Variants in ADAMTS13 observed in about 807,000 individuals in gnomAD.
ADAMTS13 encodes A disintegrin and metalloproteinase with thrombospondin motifs 13.
Under a neutral mutation model 155.1 loss-of-function variants are expected in ADAMTS13, and 110 were observed. The ratio of observed to expected loss-of-function variants is 0.71; its 90% confidence interval spans 0.61 to 0.83. The LOEUF is 0.83. ADAMTS13 is among the 40% of genes least tolerant of loss of function. ADAMTS13 has a pLI of 0.00. For missense variants in ADAMTS13, 1,707 were observed against 1,891.7 expected, an observed-to-expected ratio of 0.90 and a Z score of 1.81; for synonymous variants, 758 against 756.4, an observed-to-expected ratio of 1.00 and a Z score of -0.03.
chr9:133,435,977 CTTTT>C (rs781795173), intron 11 of ADAMTS13, among the ~76,000 whole-genome samples: 5 of 128,370 alleles, frequency 3.9e-5, no homozygotes, highest in Admixed American at 1.6e-4. Flanking sequence ...CTTTTCTCTT[CTTTT>C]TTTTTTTTTT....
chr9:133,415,111 C>T, intron 1 of ADAMTS13: 1 of 889,058 alleles, frequency 1.1e-6, no homozygotes, highest in East Asian at 2.4e-5. Context: ...ACATATACAC[C>T]AAACACATCT....
At chr9:133,420,540 T>C (rs770351966), upstream of ADAMTS13, among the ~76,000 whole-genome samples, 12 of 152,196 alleles carry the variant, frequency 7.9e-5, no homozygotes, top group Non-Finnish European at 1.6e-4. Flanking sequence ...GAAGGCACAC[T>C]TGCTTAGTTC....
At chr9:133,434,269 C>T (rs1056702942) in intron 11 of ADAMTS13, among the ~76,000 whole-genome samples, 5 of 152,132 alleles carry the variant, frequency 3.3e-5, no homozygotes, top group Non-Finnish European at 7.3e-5. Flanking sequence ...ACTAGGAATA[C>T]AGTGCGCTGC....
intron 28 of ADAMTS13, 144 bp from the exon 29 acceptor site, chr9:133,458,830 T>A (rs190229918): frequency 1.3e-5 from 10 of 790,198 alleles, no homozygotes; most frequent in Non-Finnish European, 1.9e-5. Context: ...CTCGGTTTTC[T>A]GGGTAGAGTA....
In ADAMTS13 at chr9:133,442,720, C is replaced by T. The variant is rs587731476; in HGVS notation, c.2211C>T (p.Cys737=). 19 of 1,612,900 alleles carry T rather than the reference C, an allele frequency of 1.2e-5. No individual in the cohort carries two copies. Among genetic ancestry groups the T allele is most frequent in the Admixed American group, 1.7e-5 (1 of 60,038 alleles). ...SQQPPAWPEA[C]VLEPCPPYWA... ...AGCCACCAGCGTGGCCAGAGGCCTG[C>T]GTGCTCGAACCCTGCCCTCCCTAGT... Residue 737 remains cysteine (C), a synonymous_variant, in exon 18 of 29, where the codon TGC becomes TGT. Transcript: ENST00000355699.
intron 21 of ADAMTS13, among the ~76,000 whole-genome samples, chr9:133,446,950 G>A (rs28602660): frequency 0.069 from 10,528 of 152,056 alleles, 540 homozygotes; most frequent in Middle Eastern, 0.11. Flanking sequence ...CTTCGCCTCC[G>A]GGGCTCAAGT....
At chr9:133,436,776 A>AGGGGGGGGGGGGGGGGGGG in intron 11 of ADAMTS13, 53 bp from the exon 12 acceptor site, 2 of 715,604 alleles carry the variant, frequency 2.8e-6, no homozygotes, top group East Asian at 5.3e-5. Context: ...CCCAGTGACA[A>AGGGGGGGGGGGGGGGGGGG]CACCCGCCCC....
upstream of ADAMTS13, among the ~76,000 whole-genome samples, chr9:133,420,412 C>A (rs1214613398): frequency 6.6e-6 from 1 of 152,194 alleles, no homozygotes; most frequent in Non-Finnish European, 1.5e-5. Flanking sequence ...TAAACCAGGG[C>A]AATGCAGCCT....
chr9:133,437,585 A>G (rs959867418), intron 12 of ADAMTS13, among the ~76,000 whole-genome samples, 164 bp from the exon 13 acceptor site: 5 of 152,158 alleles, frequency 3.3e-5, no homozygotes, highest in African/African-American at 9.7e-5. Flanking sequence ...ACCATTAATT[A>G]TTAGATTAGA....
At chr9:133,432,814 G>A (rs1284621184) in intron 9 of ADAMTS13, 122 bp downstream of exon 9, 6 of 996,250 alleles carry the variant, frequency 6.0e-6, no homozygotes, top group Non-Finnish European at 9.1e-6. Context: ...TCTTGGAGTT[G>A]GCCTTGGGGA....
intron 23 of ADAMTS13, among the ~76,000 whole-genome samples, chr9:133,451,945 A>C (rs912930115): frequency 3.3e-5 from 5 of 151,056 alleles, no homozygotes; most frequent in Non-Finnish European, 1.5e-5. Flanking sequence ...ACCCTGTACT[A>C]ATCTGTGATT....
At position 133,448,595 on chromosome 9, in the gene ADAMTS13, G is replaced by A. The variant is rs1457409058; in HGVS notation, c.2732-4G>A. ...GGCTCTGGGTCTCTGCTTTGTCCAC[G>A]CAGGTCTGATGGAGCTGCGTTTCCT... On this transcript the variant is annotated splice_region_variant and splice_polypyrimidine_tract_variant and intron_variant, in intron 21 of 28. Transcript: ENST00000355699. 6.2e-6 allele frequency: 10 copies of A among 1,609,348 alleles called. No individual in the cohort carries two copies. The highest frequency in any genetic ancestry group is 5.0e-5 in the Admixed American group (3 of 59,990).
In ADAMTS13 at chr9:133,442,475, C is replaced by G. The variant is rs1554791091; in HGVS notation, c.2045C>G (p.Pro682Arg). The G allele has an allele frequency of 1.2e-6, 2 of 1,613,826 alleles. No homozygotes were observed. The part of the protein sequence containing the change: ...DITFTYFQPK[P>R]RQAWVWAAVR... ...ACCTTCACCTACTTCCAGCCTAAGC[C>G]ACGGCAGGCCTGGGTGTGGGCCGCT... Residue 682 changes from proline (P) to arginine (R), a missense_variant, in exon 17 of 29, where the codon CCA (proline) becomes CGA (arginine). Coordinates refer to ENST00000355699, the MANE Select transcript of ADAMTS13 (RefSeq NM_139027.6).
intron 23 of ADAMTS13, among the ~76,000 whole-genome samples, chr9:133,453,130 C>T (rs993438977): frequency 6.6e-6 from 1 of 151,936 alleles, no homozygotes; most frequent in African/African-American, 2.4e-5. Context: ...AGTGAGACCC[C>T]GTCTCTACAA....
intron 1 of ADAMTS13, 62 bp downstream of exon 1, chr9:133,422,610 C>T (rs1312907850): frequency 3.8e-6 from 6 of 1,562,038 alleles, no homozygotes; most frequent in Admixed American, 1.7e-5. Flanking sequence ...TTCTGAGCTA[C>T]CTGGGGCGAG....
chr9:133,454,757 G>A, intron 24 of ADAMTS13, 138 bp downstream of exon 24: 1 of 1,126,706 alleles, frequency 8.9e-7, no homozygotes, highest in Non-Finnish European at 1.3e-6. Flanking sequence ...CCGTTGGTGA[G>A]GGGGCACCTA....
upstream of ADAMTS13, among the ~76,000 whole-genome samples, chr9:133,417,187 G>A (rs1839682898): frequency 6.6e-6 from 1 of 152,170 alleles, no homozygotes; most frequent in Non-Finnish European, 1.5e-5. Context: ...AATATTTTTT[G>A]TACTTTTTTA....
chr9:133,448,068 G>A (rs1364209891), intron 21 of ADAMTS13, among the ~76,000 whole-genome samples: 2 of 149,852 alleles, frequency 1.3e-5, no homozygotes, highest in African/African-American at 4.9e-5. Flanking sequence ...TTGGCTCACT[G>A]CAACCTCTGC....
chr9:133,430,745 C>G (rs924105652), intron 8 of ADAMTS13, among the ~76,000 whole-genome samples: 2 of 149,346 alleles, frequency 1.3e-5, no homozygotes, highest in Admixed American at 6.7e-5. Flanking sequence ...ACTGCAGGCT[C>G]CGCCTGCCAG....
Sources: gnomAD v4.1 joint callset for allele counts (sites outside exome capture counted in the v4.1 genomes callset) on GRCh38, gnomAD v4.1.1 for gene constraint, MANE v1.5 for transcripts, NCBI Gene and HGNC (gene_info 2026-07-23, HGNC 2026-07-21) for gene names.